Variants in UTP20 observed in about 807,000 individuals in gnomAD.
UTP20 encodes UTP20 small subunit processome component, also known as small subunit processome component 20 homolog.
A neutral mutation model predicts 329.5 loss-of-function variants in UTP20; 164 were observed. The observed-to-expected ratio is 0.50, with a 90% CI of 0.44 to 0.57. UTP20 has a LOEUF of 0.57. Ranked by LOEUF, UTP20 falls within the 20% of genes least tolerant of loss-of-function variation. The pLI, the probability that UTP20 is intolerant of heterozygous loss-of-function variation, is 0.00. For missense variants in UTP20, 3,055 were observed against 3,284.2 expected (o/e 0.93, Z 1.71); for synonymous variants, 1,151 against 1,159.3 (o/e 0.99, Z 0.14).
chr12:101,290,024 A>G (rs1334501797), intron 6 of UTP20, 113 bp from the exon 7 acceptor site: 55 of 837,738 alleles, frequency 6.6e-5, no homozygotes, highest in African/African-American at 8.8e-5. Flanking sequence ...TCTTTTCACA[A>G]TTTTTTCCTA....
At position 101,327,320 on chromosome 12, in the gene UTP20, C is replaced by T. The variant is rs1868603162; in HGVS notation, c.3208+73C>T. The T allele has an allele frequency of 3.6e-6, 5 of 1,387,610 alleles. 1 individual carries two copies. Among genetic ancestry groups the T allele is most frequent in the African/African-American group, 2.9e-5 (2 of 69,394 alleles). The allele number at this position is 1,387,610 out of a possible 1,614,324, so 86.0% of individuals were successfully genotyped here. A position where few individuals can be genotyped will look rare whatever the true frequency, so the allele number is the denominator to read the frequency against. ...CTTCTCACATCTCAGGCTACATTTCCCATGCTCCTGGGCGTCTTTCTAACA... is the reference window on the plus strand; with the variant it reads ...CTTCTCACATCTCAGGCTACATTTCTCATGCTCCTGGGCGTCTTTCTAACA... On this transcript the variant is annotated intron_variant, in intron 26 of 61. Transcript: ENST00000261637.
intron 29 of UTP20, 152 bp from the exon 30 acceptor site, chr12:101,337,899 T>C: frequency 1.4e-6 from 1 of 697,600 alleles, no homozygotes. Context: ...AGAATTATTA[T>C]CCATCAAATT....
intron 39 of UTP20, among the ~76,000 whole-genome samples, chr12:101,352,700 T>C (rs1593444963): frequency 1.4e-5 from 2 of 146,634 alleles, no homozygotes; most frequent in Non-Finnish European, 2.9e-5. Context: ...TTGGGAGATA[T>C]ACCTAATGCT....
At chr12:101,284,959 G>T (rs957037547) in intron 2 of UTP20, among the ~76,000 whole-genome samples, 1 of 152,080 alleles carries the variant, frequency 6.6e-6, no homozygotes, top group South Asian at 2.1e-4. Flanking sequence ...CTTCAGTGTA[G>T]TTCTAGTTCA....
chr12:101,370,944 A>G, intron 50 of UTP20, 114 bp from the exon 51 acceptor site: 1 of 842,168 alleles, frequency 1.2e-6, no homozygotes, highest in Non-Finnish European at 1.9e-6. Context: ...TTTTCTTTTG[A>G]AGATACTTTC....
intron 17 of UTP20, among the ~76,000 whole-genome samples, chr12:101,307,715 C>T (rs1872678527): frequency 6.6e-6 from 1 of 152,142 alleles, no homozygotes; most frequent in Admixed American, 6.5e-5. Context: ...GAATACTACT[C>T]CACAGTTGAA....
intron 48 of UTP20, 123 bp from the exon 49 acceptor site, chr12:101,369,598 G>A (rs564496292): frequency 1.5e-5 from 9 of 611,188 alleles, no homozygotes; most frequent in African/African-American, 3.6e-5. Context: ...CTTCCAGAGT[G>A]GGCTGCGCTT....
chr12:101,283,532 G>T (rs985521125), intron 2 of UTP20, among the ~76,000 whole-genome samples: 4 of 152,206 alleles, frequency 2.6e-5, no homozygotes, highest in African/African-American at 9.7e-5. Context: ...AGGAGCTCCA[G>T]AGTTACCTTG....
intron 56 of UTP20, among the ~76,000 whole-genome samples, chr12:101,376,031 T>A (rs1271409732): frequency 6.6e-6 from 1 of 152,214 alleles, no homozygotes; most frequent in African/African-American, 2.4e-5. Flanking sequence ...TTCCTATTTA[T>A]TTATTTTCCC....
intron 57 of UTP20, among the ~76,000 whole-genome samples, chr12:101,380,284 A>G (rs992192154): frequency 1.3e-5 from 2 of 152,098 alleles, no homozygotes; most frequent in Non-Finnish European, 2.9e-5. Flanking sequence ...AGACTTACAT[A>G]GGGGGATCAC....
intron 16 of UTP20, 138 bp from the exon 17 acceptor site, chr12:101,306,561 C>T (rs1369462717): frequency 3.0e-6 from 2 of 669,544 alleles, no homozygotes; most frequent in African/African-American, 3.7e-5. Context: ...GAAATAAGGG[C>T]TAGAATAGGC....
intron 25 of UTP20, among the ~76,000 whole-genome samples, chr12:101,323,828 T>C (rs933490687): frequency 2.0e-5 from 3 of 152,162 alleles, no homozygotes; most frequent in African/African-American, 7.2e-5. Context: ...GCAATACCAT[T>C]TCACTTAAAA....
At chr12:101,349,439 A>T (rs1263131165) in intron 38 of UTP20, among the ~76,000 whole-genome samples, 2 of 149,522 alleles carry the variant, frequency 1.3e-5, no homozygotes, top group Non-Finnish European at 3.0e-5. Flanking sequence ...TTGAGACAGA[A>T]TTTCACTCTG....
chr12:101,292,129 T>G (rs778337989), intron 10 of UTP20, 25 bp downstream of exon 10: 2 of 1,608,768 alleles, frequency 1.2e-6, no homozygotes, highest in Admixed American at 1.7e-5. Context: ...CAAATATTAA[T>G]TGAGCAGTTA....
intron 47 of UTP20, 51 bp from the exon 48 acceptor site, chr12:101,367,809 C>T (rs1294284010): frequency 6.3e-6 from 7 of 1,105,670 alleles, no homozygotes; most frequent in Non-Finnish European, 8.3e-6. Flanking sequence ...TTACCTAACT[C>T]ATCTGGTCTA....
In UTP20 at chr12:101,305,876, A is replaced by C. The variant is rs78155127; in HGVS notation, c.1782-39A>C. ...TACTATAGTCTAGATACTCTGGGTTATATGGTACAGTTTGGGTCTAATGAA... is the reference window on the plus strand; with the variant it reads ...TACTATAGTCTAGATACTCTGGGTTCTATGGTACAGTTTGGGTCTAATGAA... On this transcript the variant is annotated intron_variant, in intron 15 of 61. Transcript: ENST00000261637. 3.7e-4 allele frequency: 566 copies of C among 1,531,356 alleles called. 6 individuals are homozygous for C. The East Asian group carries it at 0.011, about 31-fold the overall frequency. The allele number at this position is 1,531,356 out of a possible 1,614,324, so 94.9% of individuals were successfully genotyped here.
At chr12:101,324,092 G>C (rs180907379) in intron 25 of UTP20, among the ~76,000 whole-genome samples, 1 of 151,734 alleles carries the variant, frequency 6.6e-6, no homozygotes, top group African/African-American at 2.4e-5. Flanking sequence ...AGCTGAGATC[G>C]CGCCACTGTA....
chr12:101,339,830 T>G (rs557109027), intron 31 of UTP20, among the ~76,000 whole-genome samples: 105 of 152,356 alleles, frequency 6.9e-4, no homozygotes, highest in Non-Finnish European at 7.1e-4. Flanking sequence ...ATGTATTTTT[T>G]CTGTTACTTA....
intron 10 of UTP20, among the ~76,000 whole-genome samples, chr12:101,292,704 T>C (rs1199675904): frequency 6.6e-6 from 1 of 152,206 alleles, no homozygotes; most frequent in Non-Finnish European, 1.5e-5. Flanking sequence ...CATGGACACA[T>C]GATATGACAT....
Sources: gnomAD v4.1 joint callset for allele counts (sites outside exome capture counted in the v4.1 genomes callset) on GRCh38, gnomAD v4.1.1 for gene constraint, MANE v1.5 for transcripts, NCBI Gene and HGNC (gene_info 2026-07-23, HGNC 2026-07-21) for gene names.